RASA2: variants seen among roughly 807,000 people sequenced by gnomAD.
The protein encoded by RASA2 is ras GTPase-activating protein 2.
RASA2 carries 155 observed loss-of-function variants against 118.2 expected under a neutral mutation model. The observed-to-expected ratio is 1.31, with a 90% confidence interval of 1.15 to 1.50. The LOEUF is 1.50. Ranked by LOEUF, RASA2 falls within the 40% of genes most tolerant of loss-of-function variation. The pLI is 0.00. For synonymous variants in RASA2, 353 were observed against 349.1 expected (o/e 1.01, Z -0.12); for missense variants, 1,016 against 1,009.6 (o/e 1.01, Z -0.09).
intron 3 of RASA2, among the ~76,000 whole-genome samples, chr3:141,522,114 G>A (rs2082119670): frequency 6.6e-6 from 1 of 151,932 alleles, no homozygotes; most frequent in Non-Finnish European, 1.5e-5. Context: ...CATGAGTAAT[G>A]TATGGATTTT....
Position 141,516,366 on chromosome 3 carries a change from G to C in RASA2, c.290G>C (p.Arg97Thr). 1 of 1,568,200 alleles carries C rather than the reference G, an allele frequency of 6.4e-7. No homozygotes were observed. Among genetic ancestry groups the C allele is most frequent in the Non-Finnish European group, 8.6e-7 (1 of 1,157,620 alleles). The change falls in exon 3 of 24, where the codon AGA becomes ACA. Residue 97 changes from arginine (R) to threonine (T), a missense_variant. Arg to Thr is a moderately conservative substitution (Grantham distance 71). Around this residue, in one of 2 missense-constraint regions of RASA2, gnomAD observed 896 missense variants for 836.4 expected, o/e 1.07. Transcript: ENST00000286364. ...FSEEFYFEIP[R>T]TFQYLSFYVY... is the part of the protein sequence containing the mutation. ...GAAGAATTTTACTTTGAGATTCCAA[G>C]AACTTTCCAGTATTTGTCTTTCTAT...
At position 141,559,042 on chromosome 3, in the gene RASA2, A is replaced by G. The variant is rs751609048; in HGVS notation, c.761+80A>G. On this transcript the variant is annotated intron_variant, in intron 8 of 23. Transcript: ENST00000286364. The stretch of plus-strand genomic sequence containing the variant: ...TAGATTCAACCAAAAAAAGTAAACC[A>G]ACTTTAATAGAATTCTCTATAGCAA... 839 of 1,199,894 alleles carry G rather than the reference A, an allele frequency of 7.0e-4. 1 individual carries two copies. Among genetic ancestry groups the G allele is most frequent in the Non-Finnish European group, 9.5e-4 (798 of 837,072 alleles). The allele number at this position is 1,199,894 out of a possible 1,614,324, so 74.3% of individuals were successfully genotyped here. A position where few individuals can be genotyped will look rare whatever the true frequency, so the allele number is the denominator to read the frequency against.
chr3:141,559,309 T>C (rs1337245457), intron 8 of RASA2, among the ~76,000 whole-genome samples: 2 of 152,144 alleles, frequency 1.3e-5, no homozygotes, highest in African/African-American at 4.8e-5. Context: ...TTTTTTTTTA[T>C]TCTTCTTAAC....
chr3:141,598,974 G>A (rs549257348), intron 19 of RASA2, among the ~76,000 whole-genome samples: 27 of 152,088 alleles, frequency 1.8e-4, no homozygotes, highest in African/African-American at 5.8e-4. Flanking sequence ...TGTAATCCCA[G>A]TTACTCGGGA....
chr3:141,549,208 C>T (rs1328456643), intron 5 of RASA2, among the ~76,000 whole-genome samples: 1 of 152,200 alleles, frequency 6.6e-6, no homozygotes, highest in Non-Finnish European at 1.5e-5. Context: ...TCCATCTGAG[C>T]TCTGGATTCC....
chr3:141,528,867 A>G (rs186703007), intron 3 of RASA2, among the ~76,000 whole-genome samples: 2 of 152,154 alleles, frequency 1.3e-5, no homozygotes, highest in Admixed American at 1.3e-4. Context: ...TTCTTACTTG[A>G]CAAAAGAAAG....
intron 3 of RASA2, among the ~76,000 whole-genome samples, chr3:141,521,199 A>G (rs2082106849): frequency 6.6e-6 from 1 of 152,210 alleles, no homozygotes; most frequent in South Asian, 2.1e-4. Flanking sequence ...ATTAGCATTA[A>G]GTGATAGGTG....
Position 141,614,262 on chromosome 3 carries a change from A to C in RASA2, c.*1949A>C, listed in dbSNP as rs1483469950. On this transcript the variant is annotated 3_prime_UTR_variant, in exon 24 of 24. Transcript: ENST00000286364. ...TGTGCATATATAACTCTGGATTTGA[A>C]AGGAGGAGAGTTCAGCCATCTAGTT... The C allele has an allele frequency of 6.6e-6, 1 of 152,192 alleles. No individual in the cohort carries two copies. Among genetic ancestry groups the C allele is most frequent in the Non-Finnish European group, 1.5e-5 (1 of 68,016 alleles). The allele number at this position is 152,192 out of a possible 1,614,324, so 9.4% of individuals were successfully genotyped here.
intron 9 of RASA2, among the ~76,000 whole-genome samples, chr3:141,561,989 G>A (rs951753278): frequency 2.0e-5 from 3 of 151,966 alleles, no homozygotes; most frequent in African/African-American, 7.3e-5. Context: ...GCCTCACTCT[G>A]TTGTCCAAGC....
chr3:141,516,352 C>A lies in RASA2; in HGVS notation c.276C>A (p.Tyr92Ter). The A allele has an allele frequency of 6.4e-7, 1 of 1,560,930 alleles. No individual in the cohort carries two copies. The highest frequency in any genetic ancestry group is 8.7e-7 in the Non-Finnish European group (1 of 1,155,026). ...SLSPFFSEEF[Y>*]FEIPRTFQYL... ...GCCCATTTTTCAGTGAAGAATTTTA[C>A]TTTGAGATTCCAAGAACTTTCCAGT... is the stretch of plus-strand genomic sequence containing the variant. The change falls in exon 3 of 24, where the codon TAC becomes TAA. Residue 92 changes from tyrosine (Y) to a stop codon, truncating the protein, a stop_gained. Coordinates refer to ENST00000286364, the MANE Select transcript of RASA2 (RefSeq NM_006506.5). LOFTEE classifies it high-confidence loss of function.
At chr3:141,514,163 A>G (rs984816219) in intron 2 of RASA2, among the ~76,000 whole-genome samples, 8 of 152,324 alleles carry the variant, frequency 5.3e-5, no homozygotes, top group Non-Finnish European at 8.8e-5. Context: ...GTATTCTGAC[A>G]AAAGACTTGT....
intron 7 of RASA2, among the ~76,000 whole-genome samples, chr3:141,556,943 C>T (rs1487626053): frequency 1.3e-5 from 2 of 152,052 alleles, no homozygotes; most frequent in Non-Finnish European, 2.9e-5. Context: ...TTTTCCATTT[C>T]CTGGCTAAGG....
chr3:141,598,979 T>A (rs2083419071), intron 19 of RASA2, among the ~76,000 whole-genome samples: 1 of 151,908 alleles, frequency 6.6e-6, no homozygotes, highest in African/African-American at 2.4e-5. Context: ...TCCCAGTTAC[T>A]CGGGAGGCTG....
chr3:141,594,010 C>T (rs534528894), intron 19 of RASA2, among the ~76,000 whole-genome samples: 6 of 152,094 alleles, frequency 3.9e-5, no homozygotes, highest in Non-Finnish European at 5.9e-5. Context: ...AATTAGCAGA[C>T]GTGAACGTTA....
At chr3:141,556,057 G>T in intron 7 of RASA2, 145 bp downstream of exon 7, 1 of 665,096 alleles carries the variant, frequency 1.5e-6, no homozygotes, top group Admixed American at 2.9e-5. Flanking sequence ...TAGAACCATG[G>T]TGTGATGCAA....
chr3:141,489,011 A>G (rs1489046219), intron 1 of RASA2, among the ~76,000 whole-genome samples: 1 of 152,098 alleles, frequency 6.6e-6, no homozygotes, highest in Non-Finnish European at 1.5e-5. Flanking sequence ...CAGTTTTGTA[A>G]GTGAAACTTG....
At chr3:141,539,755 T>C (rs2151101642) in intron 4 of RASA2, among the ~76,000 whole-genome samples, 1 of 152,350 alleles carries the variant, frequency 6.6e-6, no homozygotes, top group African/African-American at 2.4e-5. Context: ...TATCAAGCTC[T>C]AGATTATATT....
intron 5 of RASA2, among the ~76,000 whole-genome samples, chr3:141,547,015 C>T (rs987375967): frequency 3.3e-5 from 5 of 151,894 alleles, no homozygotes; most frequent in Admixed American, 6.6e-5. Context: ...TGTAGATGTA[C>T]GGATTTGTTT....
chr3:141,496,472 G>A (rs1438843691), intron 1 of RASA2, among the ~76,000 whole-genome samples: 4 of 151,956 alleles, frequency 2.6e-5, no homozygotes, highest in Non-Finnish European at 5.9e-5. Flanking sequence ...AAATTTACAA[G>A]AAAAAAACAA....
Sources: allele counts gnomAD v4.1 joint callset (sites outside exome capture counted in the v4.1 genomes callset), GRCh38; gene constraint gnomAD v4.1.1; regional missense constraint gnomAD v4.1.1; transcripts MANE v1.5; gene names NCBI Gene and HGNC (gene_info 2026-07-23, HGNC 2026-07-21).